Variants in PMFBP1 observed in about 807,000 individuals in gnomAD.
PMFBP1 encodes the protein polyamine-modulated factor 1-binding protein 1.
A neutral mutation model predicts 137.8 loss-of-function variants in PMFBP1; 131 were observed. That is an observed-to-expected ratio of 0.95 (90% CI 0.82 to 1.10). The LOEUF (loss-of-function observed/expected upper bound fraction) is 1.10. Ranked by LOEUF, PMFBP1 falls within the 50% of genes least tolerant of loss-of-function variation. The pLI is 0.00. For missense variants in PMFBP1, 1,199 were observed against 1,175.4 expected (o/e 1.02, Z -0.29); for synonymous variants, 490 against 450.4 (o/e 1.09, Z -1.11).
At chr16:72,120,716 G>A (rs956975357) in intron 19 of PMFBP1, among the ~76,000 whole-genome samples, 2 of 152,194 alleles carry the variant, frequency 1.3e-5, no homozygotes, top group Admixed American at 6.5e-5. Context: ...TATTATCACT[G>A]TTGTGTGTCT....
At chr16:72,233,366 G>A in the PMFBP1 span, among the ~76,000 whole-genome samples, 4 of 152,228 alleles carry the variant, frequency 2.6e-5, no homozygotes, top group East Asian at 3.9e-4. Flanking sequence ...AATTCTACTT[G>A]GCTTAAATCT....
At chr16:72,123,255 C>T (rs2144235415) in intron 18 of PMFBP1, among the ~76,000 whole-genome samples, 1 of 152,284 alleles carries the variant, frequency 6.6e-6, no homozygotes. Context: ...GAAGCTGGAT[C>T]CTGGGATGGG....
chr16:72,139,460 C>A, intron 6 of PMFBP1, 61 bp from the exon 7 acceptor site: 1 of 1,251,716 alleles, frequency 8.0e-7, no homozygotes, highest in African/African-American at 1.5e-5. Context: ...GTTACCATGA[C>A]TATTATTTCA....
intron 9 of PMFBP1, among the ~76,000 whole-genome samples, chr16:72,133,680 G>T (rs910822033): frequency 1.2e-4 from 18 of 152,116 alleles, no homozygotes; most frequent in African/African-American, 4.1e-4. Context: ...CATACACCAG[G>T]GTTGTCGGGC....
chr16:72,119,126 G>A lies in PMFBP1; in HGVS notation c.*212C>T. 1 of 536,908 alleles carries A rather than the reference G, an allele frequency of 1.9e-6. No individual in the cohort carries two copies. The highest frequency in any genetic ancestry group is 3.3e-6 in the Non-Finnish European group (1 of 302,972). 33.3% of individuals were successfully genotyped at this position (536,908 alleles called of 1,614,324 possible). On this transcript the variant is annotated 3_prime_UTR_variant, in exon 21 of 21. Coordinates refer to ENST00000237353, the MANE Select transcript of PMFBP1 (RefSeq NM_031293.3). ...CTCATGCTCATGTCTTTATTTCAGA[G>A]TTTGGGCCTGGAGATGGTAGTATGG... is the stretch of plus-strand genomic sequence containing the variant.
chr16:72,209,397 T>C, the PMFBP1 span, among the ~76,000 whole-genome samples: 2 of 152,200 alleles, frequency 1.3e-5, no homozygotes, highest in Non-Finnish European at 2.9e-5. Flanking sequence ...ATACTGTACA[T>C]ATATTTTCAG....
At chr16:72,189,517 G>T in the PMFBP1 span, among the ~76,000 whole-genome samples, 1 of 152,210 alleles carries the variant, frequency 6.6e-6, no homozygotes. Flanking sequence ...GGCTGAGAAG[G>T]AGCCCACAGA....
chr16:72,236,293 A>C, the PMFBP1 span, among the ~76,000 whole-genome samples: 1 of 152,186 alleles, frequency 6.6e-6, no homozygotes, highest in African/African-American at 2.4e-5. Flanking sequence ...CCAGGAAGGC[A>C]GATCATGTAC....
chr16:72,174,145 A>G (rs1255346106), upstream of PMFBP1: 2 of 152,234 alleles, frequency 1.3e-5, no homozygotes, highest in Non-Finnish European at 2.9e-5. Context: ...CCCTCAGTCT[A>G]CTATCAGAGC....
Position 72,119,211 on chromosome 16 carries a change from A to G in PMFBP1, c.*127T>C. On this transcript the variant is annotated 3_prime_UTR_variant, in exon 21 of 21. Transcript: ENST00000237353. ...AACTCAACAAAAGTTAGTGTCTTGC[A>G]AAATAGGCTGGGACCGTGATATACT... 8.8e-7 allele frequency: 1 copy of G among 1,132,980 alleles called. No homozygotes were observed. 70.2% of individuals were successfully genotyped at this position (1,132,980 alleles called of 1,614,324 possible).
At chr16:72,136,635 CAG>C (rs768836608) in intron 8 of PMFBP1, 30 bp from the exon 9 acceptor site, 1 of 1,614,094 alleles carries the variant, frequency 6.2e-7, no homozygotes, top group South Asian at 1.1e-5. Context: ...AGTCTATGCT[CAG>C]GGGAGAGTTA....
chr16:72,135,749 T>G (rs1437256161), intron 9 of PMFBP1, among the ~76,000 whole-genome samples: 20 of 138,634 alleles, frequency 1.4e-4, no homozygotes, highest in Middle Eastern at 3.5e-3. Flanking sequence ...TGTTTTTTTT[T>G]TTTTTTTTTT....
At chr16:72,206,412 T>A in the PMFBP1 span, among the ~76,000 whole-genome samples, 125 of 152,312 alleles carry the variant, frequency 8.2e-4, no homozygotes, top group African/African-American at 2.8e-3. Context: ...GGCCATGACA[T>A]CAGCATTCCA....
chr16:72,160,681 A>G (rs1246604220), intron 3 of PMFBP1, among the ~76,000 whole-genome samples: 1 of 152,098 alleles, frequency 6.6e-6, no homozygotes, highest in Admixed American at 6.5e-5. Flanking sequence ...AAACTGAATT[A>G]ATTTCCTGGG....
intron 14 of PMFBP1, among the ~76,000 whole-genome samples, chr16:72,127,752 T>G (rs1018219656): frequency 6.6e-6 from 1 of 152,270 alleles, no homozygotes; most frequent in Non-Finnish European, 1.5e-5. Context: ...GAAGTCATCA[T>G]TGATTCCTCA....
chr16:72,157,180 T>A (rs1411062200), intron 3 of PMFBP1, among the ~76,000 whole-genome samples: 5 of 85,012 alleles, frequency 5.9e-5, no homozygotes, highest in Admixed American at 5.5e-4. Flanking sequence ...CGAGACTCCA[T>A]CTCAAAAAAA....
At chr16:72,236,558 G>C in the PMFBP1 span, among the ~76,000 whole-genome samples, 4 of 152,098 alleles carry the variant, frequency 2.6e-5, no homozygotes, top group African/African-American at 9.7e-5. Flanking sequence ...TCAAGATTAA[G>C]GCCATCATTC....
intron 9 of PMFBP1, among the ~76,000 whole-genome samples, chr16:72,135,502 C>A (rs1439116786): frequency 2.0e-5 from 3 of 151,836 alleles, no homozygotes; most frequent in Admixed American, 2.0e-4. Context: ...CAAGCGTGGG[C>A]CACCGCACCC....
At chr16:72,221,923 TC>T in the PMFBP1 span, among the ~76,000 whole-genome samples, 2 of 152,222 alleles carry the variant, frequency 1.3e-5, no homozygotes, top group Non-Finnish European at 2.9e-5. Context: ...GCCAGCCTCT[TC>T]CCTGTATCTC....
Sources: gnomAD v4.1 joint callset for allele counts (sites outside exome capture counted in the v4.1 genomes callset) on GRCh38, gnomAD v4.1.1 for gene constraint, MANE v1.5 for transcripts, NCBI Gene and HGNC (gene_info 2026-07-23, HGNC 2026-07-21) for gene names.